The following MBD5 variants were observed in gnomAD, a reference collection of about 807,000 sequenced individuals.
MBD5 encodes the protein methyl-CpG-binding domain protein 5.
In MBD5, 13 loss-of-function variants were observed where a neutral mutation model predicts 117.3. That is an observed-to-expected ratio of 0.11 (90% CI 0.07 to 0.18). MBD5 has a LOEUF of 0.18. Ranked by LOEUF, MBD5 falls within the 10% of genes least tolerant of loss-of-function variation. The probability of loss-of-function intolerance (pLI) is 1.00; values close to 1 mark genes in which losing one functional copy is unlikely to be tolerated. For synonymous variants in MBD5, 727 were observed against 766.4 expected (o/e 0.95, Z 0.85); for missense variants, 1,879 against 2,093.8 (o/e 0.90, Z 2.00).
intron 1 of MBD5, 35 bp downstream of exon 1, chr2:148,021,719 C>G (rs1182261625): frequency 3.2e-6 from 1 of 316,530 alleles, no homozygotes; most frequent in Non-Finnish European, 6.4e-6. Flanking sequence ...TTGCCTTCCT[C>G]TGGCTCTGAC....
chr2:148,135,538 C>A (rs992241407), intron 1 of MBD5, among the ~76,000 whole-genome samples: 1 of 152,092 alleles, frequency 6.6e-6, no homozygotes, highest in African/African-American at 2.4e-5. Flanking sequence ...TTTCTTCTAT[C>A]TTCTCCAGCA....
chr2:148,240,207 A>T (rs1700184163), intron 3 of MBD5, among the ~76,000 whole-genome samples: 1 of 152,128 alleles, frequency 6.6e-6, no homozygotes, highest in Non-Finnish European at 1.5e-5. Context: ...CACAGGTGGG[A>T]ATTGAACAAT....
chr2:148,278,198 C>T (rs564340952), intron 3 of MBD5, among the ~76,000 whole-genome samples: 5 of 151,978 alleles, frequency 3.3e-5, no homozygotes, highest in East Asian at 1.9e-4. Flanking sequence ...GAAGTTCATT[C>T]GTATTGTTAT....
chr2:148,083,351 G>C (rs928970649), intron 1 of MBD5, among the ~76,000 whole-genome samples: 13 of 152,038 alleles, frequency 8.6e-5, no homozygotes, highest in Non-Finnish European at 1.6e-4. Flanking sequence ...TTTTGCGAAA[G>C]GATTGATTAC....
Position 148,499,205 on chromosome 2 carries a change from G to A in MBD5, c.4963-3231G>A, listed in dbSNP as rs181003897. On this transcript the variant is annotated intron_variant, in intron 11 of 13. Coordinates refer to ENST00000642680, the MANE Select transcript of MBD5 (RefSeq NM_001378120.1). ...TGGTCCCAGCTACTAAGGAGACTGA[G>A]GTGGGAAGATTACTTGAAGCCCAGG... 2.0e-5 allele frequency among the ~76,000 whole-genome samples: 3 copies of A among 152,254 alleles called. No individual in the cohort carries two copies. In the East Asian group the frequency reaches 5.8e-4, roughly 29 times the overall value.
intron 4 of MBD5, among the ~76,000 whole-genome samples, chr2:148,385,857 A>C (rs1704339571): frequency 6.6e-6 from 1 of 151,206 alleles, no homozygotes; most frequent in African/African-American, 2.4e-5. Flanking sequence ...ATCTATCGCA[A>C]GGACAAAAAA....
chr2:148,023,564 A>G (rs1693824119), intron 1 of MBD5, among the ~76,000 whole-genome samples: 1 of 152,176 alleles, frequency 6.6e-6, no homozygotes, highest in Non-Finnish European at 1.5e-5. Flanking sequence ...CAACATCAAT[A>G]CTGCCATTCC....
At chr2:148,191,049 G>A (rs1698814732) in intron 2 of MBD5, among the ~76,000 whole-genome samples, 1 of 146,102 alleles carries the variant, frequency 6.8e-6, no homozygotes, top group Non-Finnish European at 1.5e-5. Context: ...TTCAACAAGA[G>A]GAGCTAACTA....
intron 1 of MBD5, chr2:148,071,274 ATATGTGTGTGTGTGTGTGTGTGTG>A (rs1287859712): frequency 1.5e-5 from 2 of 134,942 alleles, no homozygotes; most frequent in Non-Finnish European, 3.2e-5. Flanking sequence ...ATATATCTGT[ATATGTGTGTGTGTGTGTGTGTGTG>A]TGTGTGTGTG....
intron 1 of MBD5, among the ~76,000 whole-genome samples, chr2:148,083,471 CAT>C (rs1244922743): frequency 3.3e-5 from 5 of 151,922 alleles, no homozygotes; most frequent in African/African-American, 1.2e-4. Context: ...GATAAAAAGA[CAT>C]ATACATGGTC....
At chr2:148,263,832 A>G (rs1700790224) in intron 3 of MBD5, among the ~76,000 whole-genome samples, 1 of 152,214 alleles carries the variant, frequency 6.6e-6, no homozygotes, top group African/African-American at 2.4e-5. Context: ...CTTTTTACAT[A>G]TAGGCTCCTG....
chr2:148,330,088 T>TACAC (rs377202803), intron 3 of MBD5, among the ~76,000 whole-genome samples: 1,349 of 40,382 alleles, frequency 0.033, 75 homozygotes, highest in African/African-American at 0.096. Flanking sequence ...CCTCCTGCCA[T>TACAC]ACACACACAC....
intron 4 of MBD5, among the ~76,000 whole-genome samples, chr2:148,375,591 G>A (rs527656086): frequency 6.6e-6 from 1 of 152,252 alleles, no homozygotes; most frequent in East Asian, 1.9e-4. Flanking sequence ...TTGCCTTGCT[G>A]TTAGCAGTCT....
At chr2:148,206,123 C>CAAA (rs758698506) in intron 2 of MBD5, among the ~76,000 whole-genome samples, 1 of 108,422 alleles carries the variant, frequency 9.2e-6, no homozygotes. Context: ...GACCCTGTCT[C>CAAA]AAAAAAAAAA....
chr2:148,036,596 G>A (rs1694201210), intron 1 of MBD5, among the ~76,000 whole-genome samples: 1 of 151,970 alleles, frequency 6.6e-6, no homozygotes, highest in Non-Finnish European at 1.5e-5. Flanking sequence ...GCCATCAACT[G>A]GCTTTTTCTC....
At chr2:148,287,677 G>C (rs1009851256) in intron 3 of MBD5, among the ~76,000 whole-genome samples, 1 of 152,198 alleles carries the variant, frequency 6.6e-6, no homozygotes, top group East Asian at 1.9e-4. Flanking sequence ...CATCTGGTGA[G>C]GACCTACTTG....
At chr2:148,329,081 G>A (rs1405919407) in intron 3 of MBD5, among the ~76,000 whole-genome samples, 2 of 151,982 alleles carry the variant, frequency 1.3e-5, no homozygotes, top group Non-Finnish European at 2.9e-5. Context: ...GATAATAGAG[G>A]GTGAGACAAA....
At chr2:148,044,805 T>A (rs1573947080) in intron 1 of MBD5, 2 of 152,122 alleles carry the variant, frequency 1.3e-5, no homozygotes, top group South Asian at 4.1e-4. Context: ...CTTATAAAAA[T>A]TTTTCATGTC....
chr2:148,172,797 C>G (rs1281146577), intron 1 of MBD5, among the ~76,000 whole-genome samples: 1 of 152,146 alleles, frequency 6.6e-6, no homozygotes, highest in Non-Finnish European at 1.5e-5. Flanking sequence ...CAGTCAGACT[C>G]ATACAGACCG....
Sources: allele counts gnomAD v4.1 joint callset (sites outside exome capture counted in the v4.1 genomes callset), GRCh38; gene constraint gnomAD v4.1.1; transcripts MANE v1.5; gene names NCBI Gene and HGNC (gene_info 2026-07-23, HGNC 2026-07-21).